The following NIPA1 variants were observed in gnomAD, a reference collection of about 807,000 sequenced individuals.
NIPA1 encodes the protein NIPA magnesium transporter 1, also known as magnesium transporter NIPA1.
NIPA1 carries 13 observed loss-of-function variants against 23.9 expected under a neutral mutation model. That is an observed-to-expected ratio of 0.54 (90% CI 0.35 to 0.87). NIPA1 has a LOEUF of 0.87. Ranked by LOEUF, NIPA1 falls within the 40% of genes least tolerant of loss-of-function variation. NIPA1 has a pLI of 0.01. For missense variants in NIPA1, 362 were observed against 429.7 expected, an observed-to-expected ratio of 0.84 and a Z score of 1.39; for synonymous variants, 234 against 202.9, an observed-to-expected ratio of 1.15 and a Z score of -1.30.
In NIPA1 at chr15:22,801,251, G is replaced by C. The variant is rs1356115208; in HGVS notation, c.179-9498G>C. Among the ~76,000 whole-genome samples the C allele has an allele frequency of 3.3e-5, 5 of 152,218 alleles. No individual in the cohort carries two copies. In the East Asian group the frequency reaches 9.7e-4, roughly 29 times the overall value. ...CTTTTACAGGGCATGGACATTTCCA[G>C]TTCCTTACCAGTGCACATGACAGAG... is the stretch of plus-strand genomic sequence containing the variant. On this transcript the variant is annotated intron_variant, in intron 1 of 4. Coordinates refer to ENST00000337435, the MANE Select transcript of NIPA1 (RefSeq NM_144599.5).
chr15:22,823,941 T>TG lies in NIPA1; in HGVS notation c.694dup (p.Val232GlyfsTer94). 1.2e-6 allele frequency: 2 copies of TG among 1,614,116 alleles called. No individual in the cohort carries two copies. Among genetic ancestry groups the TG allele is most frequent in the Non-Finnish European group, 1.7e-6 (2 of 1,179,956 alleles). ...AGTCAGAGAGCCCTCTGCCTGTGCCTGGTACTCCTGGCCGTGCTCGGCTGC... is the reference window on the plus strand; with the variant it reads ...AGTCAGAGAGCCCTCTGCCTGTGCCTGGGTACTCCTGGCCGTGCTCGGCTGC... On this transcript the variant is annotated frameshift_variant, in exon 5 of 5. Transcript: ENST00000337435. LOFTEE classifies it high-confidence loss of function.
chr15:22,805,087 G>A (rs1171744025), intron 1 of NIPA1, among the ~76,000 whole-genome samples: 1 of 152,018 alleles, frequency 6.6e-6, no homozygotes, highest in African/African-American at 2.4e-5. Flanking sequence ...TGATCCACCT[G>A]CCTCAGCCTC....
intron 1 of NIPA1, among the ~76,000 whole-genome samples, chr15:22,793,720 T>C (rs1894883757): frequency 6.6e-6 from 1 of 152,184 alleles, no homozygotes; most frequent in South Asian, 2.1e-4. Flanking sequence ...TTTAAGTCTT[T>C]AGTCTATCTT....
chr15:22,804,304 G>A (rs1440640730), intron 1 of NIPA1, among the ~76,000 whole-genome samples: 1 of 151,668 alleles, frequency 6.6e-6, no homozygotes, highest in Non-Finnish European at 1.5e-5. Context: ...TGTATTTTTA[G>A]TAGAGAAAGG....
chr15:22,789,159 T>C (rs1894776817), intron 1 of NIPA1, among the ~76,000 whole-genome samples: 2 of 151,544 alleles, frequency 1.3e-5, no homozygotes, highest in Non-Finnish European at 1.5e-5. Flanking sequence ...CTGGCTAATT[T>C]TGTGCTTTTA....
chr15:22,819,766 G>C (rs1895500142), intron 3 of NIPA1, among the ~76,000 whole-genome samples: 2 of 152,116 alleles, frequency 1.3e-5, no homozygotes, highest in African/African-American at 4.8e-5. Context: ...TTATAAGAAA[G>C]GAAGCATTAC....
At chr15:22,793,564 C>T (rs1191989711) in intron 1 of NIPA1, among the ~76,000 whole-genome samples, 2 of 151,782 alleles carry the variant, frequency 1.3e-5, no homozygotes, top group East Asian at 3.9e-4. Context: ...CCTCAGCCTC[C>T]CGAGTAGCTG....
chr15:22,791,741 C>T (rs1265444654), intron 1 of NIPA1, among the ~76,000 whole-genome samples: 1 of 152,080 alleles, frequency 6.6e-6, no homozygotes, highest in Non-Finnish European at 1.5e-5. Flanking sequence ...GCTGGGATTA[C>T]AGATGTGAGC....
chr15:22,806,492 G>A (rs953083240), intron 1 of NIPA1, among the ~76,000 whole-genome samples: 5 of 152,170 alleles, frequency 3.3e-5, no homozygotes, highest in African/African-American at 1.2e-4. Context: ...TGGGGGAGGA[G>A]ACGTGAGTGT....
chr15:22,816,361 G>C (rs536859798), intron 3 of NIPA1, among the ~76,000 whole-genome samples: 1 of 150,014 alleles, frequency 6.7e-6, no homozygotes, highest in Non-Finnish European at 1.5e-5. Context: ...GCTAATTTTT[G>C]TATTTTTAGT....
In NIPA1 at chr15:22,812,243, G is replaced by A. The variant is rs1895332875; in HGVS notation, c.307G>A (p.Val103Ile). The A allele has an allele frequency of 6.2e-7, 1 of 1,611,628 alleles. No homozygotes were observed. The highest frequency in any genetic ancestry group is 8.5e-7 in the Non-Finnish European group (1 of 1,177,862). Residue 103 changes from valine (V) to isoleucine (I), a missense_variant, in exon 3 of 5, where the codon GTA (valine) becomes ATA (isoleucine). Coordinates refer to ENST00000337435, the MANE Select transcript of NIPA1 (RefSeq NM_144599.5). ...VLVTPLGALG[V>I]PFGSILASYL... is the part of the protein sequence containing the mutation. ...GGTAACCCCCCTGGGCGCCCTTGGA[G>A]TACCGTTCGGGTGAGAGCCAAGATT...
At chr15:22,817,186 CAAAAAAAA>C (rs894814701) in intron 3 of NIPA1, among the ~76,000 whole-genome samples, 2 of 61,086 alleles carry the variant, frequency 3.3e-5, no homozygotes, top group African/African-American at 1.5e-4. Flanking sequence ...GACTCTGTCT[CAAAAAAAA>C]AAAAAAAAAA....
chr15:22,810,521 G>A (rs1485826172), intron 1 of NIPA1, among the ~76,000 whole-genome samples: 1 of 152,022 alleles, frequency 6.6e-6, no homozygotes, highest in Non-Finnish European at 1.5e-5. Context: ...TTCCTTATTT[G>A]GGTCAGCCTG....
chr15:22,808,197 C>T (rs1195816590), intron 1 of NIPA1, among the ~76,000 whole-genome samples: 1 of 152,180 alleles, frequency 6.6e-6, no homozygotes, highest in African/African-American at 2.4e-5. Flanking sequence ...CTCAAGTATT[C>T]GGCATGCATT....
At chr15:22,807,592 G>C (rs573965362) in intron 1 of NIPA1, among the ~76,000 whole-genome samples, 6 of 143,798 alleles carry the variant, frequency 4.2e-5, no homozygotes, top group African/African-American at 1.5e-4. Context: ...GTCTCAAAAA[G>C]AAAAAAAAAA....
rs1363040527 is a variant in NIPA1 at position 22,824,149 on chromosome 15, C to G, written c.900C>G (p.Thr300=). 6.2e-7 allele frequency: 1 copy of G among 1,613,548 alleles called. No individual in the cohort carries two copies. The highest frequency in any genetic ancestry group is 1.7e-5 in the Admixed American group (1 of 59,994). ...TGGGGATGGCCTGTGGATTCACGAC[C>G]GTCTCCGTGGGGATTGTCCTTATAC... is the stretch of plus-strand genomic sequence containing the variant. ...DFLGMACGFT[T]VSVGIVLIQV... Residue 300 remains threonine, a synonymous_variant, in exon 5 of 5, where the codon ACC becomes ACG. Coordinates refer to ENST00000337435, the MANE Select transcript of NIPA1 (RefSeq NM_144599.5). The surrounding 1 kb of genome is among the most constrained non-coding windows in gnomAD (Gnocchi z 4.1).
chr15:22,799,710 A>T (rs1382500616), intron 1 of NIPA1, among the ~76,000 whole-genome samples: 1 of 151,068 alleles, frequency 6.6e-6, no homozygotes, highest in Non-Finnish European at 1.5e-5. Flanking sequence ...TGAACCCAGG[A>T]GGCGGAGGTT....
chr15:22,802,715 A>G (rs933174316), intron 1 of NIPA1, among the ~76,000 whole-genome samples: 1 of 152,106 alleles, frequency 6.6e-6, no homozygotes, highest in Admixed American at 6.6e-5. Flanking sequence ...CTCATCCCCC[A>G]TACCAAGGTG....
intron 3 of NIPA1, 124 bp from the exon 4 acceptor site, chr15:22,820,189 G>T (rs1334399997): frequency 8.7e-6 from 6 of 692,176 alleles, no homozygotes; most frequent in Non-Finnish European, 1.5e-5. Context: ...AGAGTGGGAG[G>T]TGGTCTCTTA....
Sources: gnomAD v4.1 joint callset for allele counts (sites outside exome capture counted in the v4.1 genomes callset) on GRCh38, gnomAD v4.1.1 for gene constraint, Gnocchi (gnomAD v3.1) non-coding constraint, MANE v1.5 for transcripts, NCBI Gene and HGNC (gene_info 2026-07-23, HGNC 2026-07-21) for gene names.